Variants in THADA observed in about 807,000 individuals in gnomAD.
The protein encoded by THADA is THADA armadillo repeat containing, also known as tRNA (32-2'-O)-methyltransferase regulator THADA.
THADA carries 213 observed loss-of-function variants against 219.8 expected under a neutral mutation model. That is an observed-to-expected ratio of 0.97 (90% confidence interval 0.87 to 1.09). The LOEUF (loss-of-function observed/expected upper bound fraction) is 1.09, where lower values mean the gene tolerates loss of function less well. Ranked by LOEUF, THADA falls within the 50% of genes least tolerant of loss-of-function variation. The probability of loss-of-function intolerance (pLI) is 0.00; values close to 1 mark genes in which losing one functional copy is unlikely to be tolerated. For missense variants in THADA, 2,956 were observed against 2,311.3 expected, an observed-to-expected ratio of 1.28 and a Z score of -5.72; for synonymous variants, 1,018 against 828.9, an observed-to-expected ratio of 1.23 and a Z score of -3.92.
intron 26 of THADA, among the ~76,000 whole-genome samples, chr2:43,431,630 T>C (rs1290569676): frequency 9.5e-6 from 1 of 105,360 alleles, no homozygotes; most frequent in Non-Finnish European, 1.9e-5. Flanking sequence ...CACGCCCGGA[T>C]AATTTTTTGT....
At chr2:43,259,834 A>G (rs1670739248) in intron 36 of THADA, among the ~76,000 whole-genome samples, 1 of 152,224 alleles carries the variant, frequency 6.6e-6, no homozygotes, top group Non-Finnish European at 1.5e-5. Context: ...CCTGTAGGAT[A>G]AATTTACTAA....
intron 25 of THADA, among the ~76,000 whole-genome samples, chr2:43,492,581 CAT>C (rs1326667359): frequency 3.3e-5 from 5 of 152,190 alleles, no homozygotes; most frequent in East Asian, 1.9e-4. Flanking sequence ...GGGATCCACA[CAT>C]GACACTTAAT....
intron 26 of THADA, among the ~76,000 whole-genome samples, chr2:43,472,981 T>C (rs1252815184): frequency 2.0e-5 from 3 of 152,166 alleles, no homozygotes; most frequent in African/African-American, 4.8e-5. Context: ...CTGGAAGTTG[T>C]TCTGGGGTGA....
intron 21 of THADA, among the ~76,000 whole-genome samples, chr2:43,539,879 C>T (rs955775922): frequency 4.6e-5 from 7 of 151,738 alleles, no homozygotes; most frequent in African/African-American, 1.7e-4. Context: ...AAATTAAATA[C>T]ATAAGATTTG....
chr2:43,575,412 C>T (rs1041116439), intron 10 of THADA, among the ~76,000 whole-genome samples: 10 of 152,294 alleles, frequency 6.6e-5, no homozygotes, highest in East Asian at 1.9e-4. Flanking sequence ...CATGCCACTA[C>T]ACTCCAGCCT....
intron 22 of THADA, among the ~76,000 whole-genome samples, chr2:43,514,550 C>T (rs544942405): frequency 0.022 from 2,313 of 104,518 alleles, 43 homozygotes; most frequent in African/African-American, 0.036. Context: ...ATTTTATACA[C>T]AATATAAATA....
Position 43,425,446 on chromosome 2 carries a change from ATGTGTGTGTG to A in THADA, c.4058+2644_4058+2653del, listed in dbSNP as rs70963396. Among the ~76,000 whole-genome samples the A allele has an allele frequency of 9.1e-4, 128 of 140,514 alleles. 1 individual carries two copies. Among genetic ancestry groups the A allele is most frequent in the South Asian group, 4.5e-3 (19 of 4,186 alleles). The allele number at this position is 140,514 out of a possible 152,430, so 92.2% of individuals were successfully genotyped here. ...CTACTGTCTAGCTTGTTAAAATTGTATGTGTGTGTGTGTGTGTGTGTGTGTGTGTGTGTGT... is the reference window on the plus strand; with the variant it reads ...CTACTGTCTAGCTTGTTAAAATTGTATGTGTGTGTGTGTGTGTGTGTGTGT... On this transcript the variant is annotated intron_variant, in intron 28 of 37. Transcript: ENST00000405975.
At position 43,585,577 on chromosome 2, in the gene THADA, TAGAA is replaced by T. The variant is rs755218548; in HGVS notation, c.533+820_533+823del. Among the ~76,000 whole-genome samples the T allele has an allele frequency of 2.1e-3, 288 of 135,300 alleles. 4 individuals are homozygous for T. The highest frequency in any genetic ancestry group is 0.019 in the East Asian group (93 of 4,940). The allele number at this position is 135,300 out of a possible 152,430, so 88.8% of individuals were successfully genotyped here. On this transcript the variant is annotated intron_variant, in intron 7 of 37. Coordinates refer to ENST00000405975, the MANE Select transcript of THADA (RefSeq NM_022065.5). Reference sequence around the variant, plus strand: ...ATAGATAGATAGATAGATAGATAGATAGAAAGAAATACATAATTGCCCAGCCAAG... The same window carrying T: ...ATAGATAGATAGATAGATAGATAGATAGAAATACATAATTGCCCAGCCAAG...
intron 30 of THADA, among the ~76,000 whole-genome samples, chr2:43,336,971 G>C (rs569042117): frequency 3.5e-4 from 54 of 152,340 alleles, no homozygotes; most frequent in Non-Finnish European, 7.1e-4. Context: ...TTTGAGCCTG[G>C]TGGTGCCAGA....
At chr2:43,509,865 T>G (rs1357563319) in intron 22 of THADA, among the ~76,000 whole-genome samples, 1 of 152,238 alleles carries the variant, frequency 6.6e-6, no homozygotes, top group Non-Finnish European at 1.5e-5. Context: ...GCAGGCTCTG[T>G]GATTCTAAAG....
In THADA at chr2:43,339,941, T is replaced by G. The variant is rs1398963223; in HGVS notation, c.4343+4181A>C. On this transcript the variant is annotated intron_variant, in intron 30 of 37. Transcript: ENST00000405975. ...AGACCTCATCTCTAAAACTAAAAAA[T>G]AAATAAATAAATAAAAAACTTAAAA... Among the ~76,000 whole-genome samples the G allele has an allele frequency of 2.0e-5, 3 of 151,634 alleles. 1 individual carries two copies. Among genetic ancestry groups the G allele is most frequent in the Non-Finnish European group, 4.4e-5 (3 of 67,944 alleles).
intron 15 of THADA, among the ~76,000 whole-genome samples, chr2:43,561,869 T>C (rs564264916): frequency 1.2e-4 from 18 of 152,340 alleles, no homozygotes; most frequent in African/African-American, 4.1e-4. Context: ...GTGAGTGTGA[T>C]GTTACCTGTG....
chr2:43,400,775 G>A (rs557312790), intron 28 of THADA, among the ~76,000 whole-genome samples: 113 of 152,142 alleles, frequency 7.4e-4, no homozygotes, highest in African/African-American at 2.6e-3. Flanking sequence ...TTTTTACAGT[G>A]CACTGTGCCA....
intron 22 of THADA, among the ~76,000 whole-genome samples, chr2:43,514,685 T>TATATA (rs1558888073): frequency 1.7e-4 from 12 of 71,026 alleles, no homozygotes; most frequent in Non-Finnish European, 1.9e-4. Context: ...TATATTATAT[T>TATATA]ATATATAATA....
intron 29 of THADA, chr2:43,392,069 G>C (rs557611864): frequency 6.6e-6 from 1 of 151,920 alleles, no homozygotes; most frequent in Non-Finnish European, 1.5e-5. Context: ...TAATATTTTC[G>C]AGGCATAAAA....
chr2:43,355,622 T>C (rs1274430085), intron 29 of THADA, among the ~76,000 whole-genome samples: 2 of 152,158 alleles, frequency 1.3e-5, no homozygotes, highest in Admixed American at 1.3e-4. Context: ...TAGAGTTTTG[T>C]ATCTTAGGTC....
chr2:43,385,523 C>T (rs539962831), intron 29 of THADA, among the ~76,000 whole-genome samples: 9 of 146,142 alleles, frequency 6.2e-5, no homozygotes, highest in South Asian at 2.3e-4. Context: ...AGGAGAATGG[C>T]GTGAACCCGG....
chr2:43,513,334 C>A (rs1690736479), intron 22 of THADA, among the ~76,000 whole-genome samples: 1 of 152,062 alleles, frequency 6.6e-6, no homozygotes, highest in Non-Finnish European at 1.5e-5. Flanking sequence ...AATAGAAACC[C>A]CAAAACCAGC....
rs558896977 is a variant in THADA, at chr2:43,547,187, T to C, written c.3106+2023A>G. Among the ~76,000 whole-genome samples the C allele has an allele frequency of 6.6e-5, 10 of 152,346 alleles. No homozygotes were observed. In the East Asian group the frequency reaches 7.7e-4, roughly 12 times the overall value. On this transcript the variant is annotated intron_variant, in intron 20 of 37. Coordinates refer to ENST00000405975, the MANE Select transcript of THADA (RefSeq NM_022065.5). Reference sequence around the variant, plus strand: ...TTGAAAATTCTTTTCTTTAAGAATGTTGAATATTGGCCCCCACTCTCTTCT... The same window carrying C: ...TTGAAAATTCTTTTCTTTAAGAATGCTGAATATTGGCCCCCACTCTCTTCT...
Sources: allele counts gnomAD v4.1 joint callset (sites outside exome capture counted in the v4.1 genomes callset), GRCh38; gene constraint gnomAD v4.1.1; transcripts MANE v1.5; gene names NCBI Gene and HGNC (gene_info 2026-07-23, HGNC 2026-07-21).